The following FAM227B variants were observed in gnomAD, a reference collection of about 807,000 sequenced individuals.
FAM227B encodes the protein protein FAM227B.
In FAM227B, 88 loss-of-function variants were observed where a neutral mutation model predicts 73.8. The ratio of observed to expected loss-of-function variants is 1.19; its 90% CI spans 1.00 to 1.42. The LOEUF is 1.42. Among genes scored for constraint, FAM227B ranks in the 40% most tolerant of loss-of-function variants. The pLI is 0.00. For missense variants in FAM227B, 632 were observed against 590.9 expected (o/e 1.07, Z -0.72); for synonymous variants, 210 against 190.5 (o/e 1.10, Z -0.84).
chr15:49,339,899 G>A (rs2040409282), intron 13 of FAM227B, among the ~76,000 whole-genome samples: 1 of 152,128 alleles, frequency 6.6e-6, no homozygotes, highest in Non-Finnish European at 1.5e-5. Context: ...GAACTTCCTG[G>A]AGGCTTTGTT....
Position 49,371,284 on chromosome 15 carries a change from AATT to A in FAM227B, c.1110+15_1110+17del. ...TTAAACAAGTAAGAAATTTTTTCAT[AATT>A]ATTATACTCCAAACCTTTGTTGCTA... On this transcript the variant is annotated intron_variant, in intron 12 of 15. Coordinates refer to ENST00000299338, the MANE Select transcript of FAM227B (RefSeq NM_152647.3). The A allele has an allele frequency of 6.8e-7, 1 of 1,481,476 alleles. No individual in the cohort carries two copies. The allele number at this position is 1,481,476 out of a possible 1,614,324, so 91.8% of individuals were successfully genotyped here. A position where few individuals can be genotyped will look rare whatever the true frequency, so the allele number is the denominator to read the frequency against.
intron 11 of FAM227B, among the ~76,000 whole-genome samples, chr15:49,397,499 A>G (rs990052676): frequency 5.9e-5 from 9 of 151,914 alleles, no homozygotes; most frequent in Non-Finnish European, 8.8e-5. Context: ...TACAGAGAAC[A>G]CCACAAAGAT....
chr15:49,597,427 T>C (rs2076947968), intron 3 of FAM227B, among the ~76,000 whole-genome samples: 1 of 151,826 alleles, frequency 6.6e-6, no homozygotes, highest in South Asian at 2.1e-4. Context: ...TGAACAATAA[T>C]ATTGACACAA....
chr15:49,503,532 A>C (rs1459834936), intron 11 of FAM227B, among the ~76,000 whole-genome samples: 3 of 152,248 alleles, frequency 2.0e-5, no homozygotes, highest in Non-Finnish European at 4.4e-5. Flanking sequence ...CTCATCTGAC[A>C]AAGGGCTAAT....
intron 11 of FAM227B, among the ~76,000 whole-genome samples, chr15:49,443,333 T>C (rs1433857976): frequency 1.3e-5 from 2 of 151,668 alleles, no homozygotes; most frequent in African/African-American, 4.8e-5. Context: ...ATGATGGAAA[T>C]ACTAGATAAT....
intron 5 of FAM227B, among the ~76,000 whole-genome samples, chr15:49,585,631 G>C (rs927437096): frequency 1.3e-5 from 2 of 151,472 alleles, no homozygotes; most frequent in Admixed American, 6.6e-5. Context: ...TTATAGGTGG[G>C]AATTGAACAA....
intron 11 of FAM227B, among the ~76,000 whole-genome samples, chr15:49,436,985 C>T (rs998332567): frequency 4.6e-5 from 7 of 151,426 alleles, no homozygotes; most frequent in African/African-American, 1.7e-4. Flanking sequence ...ATCTGTCTTC[C>T]CCTGAGAAGG....
At chr15:49,340,423 G>A (rs1043829161) in intron 13 of FAM227B, among the ~76,000 whole-genome samples, 8 of 26,490 alleles carry the variant, frequency 3.0e-4, no homozygotes, top group Non-Finnish European at 5.4e-4. Context: ...TCCCCCCCCC[G>A]CTTTGCCTCG....
At chr15:49,487,649 C>T (rs2056513749) in intron 11 of FAM227B, 1 of 151,822 alleles carries the variant, frequency 6.6e-6, no homozygotes, top group Non-Finnish European at 1.5e-5. Flanking sequence ...TAAAACAGTG[C>T]CCCTTACGAT....
chr15:49,396,155 G>T (rs995287824), intron 11 of FAM227B: 8 of 358,110 alleles, frequency 2.2e-5, no homozygotes, highest in Non-Finnish European at 3.3e-5. Context: ...TGTGCGAGCC[G>T]AAGCAGGGCG....
At chr15:49,529,876 G>A (rs2060482803) in intron 10 of FAM227B, among the ~76,000 whole-genome samples, 1 of 151,540 alleles carries the variant, frequency 6.6e-6, no homozygotes, top group Non-Finnish European at 1.5e-5. Flanking sequence ...TGAACTTTTG[G>A]GATTGACTTT....
chr15:49,561,088 T>G (rs983611435), intron 9 of FAM227B, among the ~76,000 whole-genome samples: 58 of 152,156 alleles, frequency 3.8e-4, no homozygotes, highest in Admixed American at 1.7e-3. Flanking sequence ...GAGTGGCAAG[T>G]TGACTTGAAA....
intron 11 of FAM227B, among the ~76,000 whole-genome samples, chr15:49,464,278 C>T (rs2054069575): frequency 6.6e-6 from 1 of 152,092 alleles, no homozygotes; most frequent in Non-Finnish European, 1.5e-5. Context: ...CTGCCCCCAC[C>T]TCTAGTCTAT....
intron 5 of FAM227B, among the ~76,000 whole-genome samples, chr15:49,585,182 C>T (rs1358233275): frequency 1.3e-5 from 2 of 152,094 alleles, no homozygotes; most frequent in South Asian, 2.1e-4. Flanking sequence ...ATTAAAAAGT[C>T]AGGAAACAAC....
chr15:49,489,872 A>ATATATTT lies in FAM227B; in HGVS notation c.1012+18338_1012+18339insAAATATA, dbSNP rs2056888880. Among the ~76,000 whole-genome samples, 3 of 15,822 alleles carry ATATATTT rather than the reference A, an allele frequency of 1.9e-4. 1 individual carries two copies. The highest frequency in any genetic ancestry group is 4.4e-4 in the African/African-American group (3 of 6,860). 10.4% of individuals were successfully genotyped at this position (15,822 alleles called of 152,430 possible). ...ATATATATATATTTTATATATATATATATATATATATAGAGAGAGAGAGAG... is the reference window on the plus strand; with the variant it reads ...ATATATATATATTTTATATATATATATATATTTTATATATATATAGAGAGAGAGAGAG... On this transcript the variant is annotated intron_variant, in intron 11 of 15. Coordinates refer to ENST00000299338, the MANE Select transcript of FAM227B (RefSeq NM_152647.3).
intron 13 of FAM227B, among the ~76,000 whole-genome samples, chr15:49,335,800 G>C (rs2039607561): frequency 1.3e-5 from 2 of 152,170 alleles, no homozygotes; most frequent in Non-Finnish European, 2.9e-5. Context: ...ACTTGTTAAA[G>C]GTAAATATTA....
intron 13 of FAM227B, among the ~76,000 whole-genome samples, chr15:49,346,424 G>T (rs1172852721): frequency 2.6e-5 from 4 of 152,012 alleles, no homozygotes; most frequent in African/African-American, 4.8e-5. Context: ...CACACCTAAG[G>T]CCACCCCCAT....
intron 11 of FAM227B, among the ~76,000 whole-genome samples, chr15:49,502,080 A>G (rs1209722138): frequency 6.6e-6 from 1 of 152,224 alleles, no homozygotes; most frequent in African/African-American, 2.4e-5. Context: ...GATGTATGAA[A>G]AAGCCTGGTT....
chr15:49,385,156 TCTC>T (rs971297875), intron 11 of FAM227B, among the ~76,000 whole-genome samples: 1 of 151,894 alleles, frequency 6.6e-6, no homozygotes, highest in African/African-American at 2.4e-5. Flanking sequence ...GGTTTTCTCC[TCTC>T]CTATTTATTA....
Sources: allele counts gnomAD v4.1 joint callset (sites outside exome capture counted in the v4.1 genomes callset), GRCh38; gene constraint gnomAD v4.1.1; transcripts MANE v1.5; gene names NCBI Gene and HGNC (gene_info 2026-07-23, HGNC 2026-07-21).